The following GNS variants were observed in gnomAD, a reference collection of about 807,000 sequenced individuals.
The protein encoded by GNS is glucosamine (N-acetyl)-6-sulfatase, also known as N-acetylglucosamine-6-sulfatase.
A neutral mutation model predicts 69.7 loss-of-function variants in GNS; 40 were observed. The ratio of observed to expected loss-of-function variants is 0.57; its 90% CI spans 0.45 to 0.75. The LOEUF (loss-of-function observed/expected upper bound fraction) is 0.75, where lower values mean the gene tolerates loss of function less well. Ranked by LOEUF, GNS falls within the 30% of genes least tolerant of loss-of-function variation. The pLI is 0.00. For missense variants in GNS, 565 were observed against 685.5 expected (o/e 0.82, Z 1.96); for synonymous variants, 243 against 251.6 (o/e 0.97, Z 0.32).
intron 12 of GNS, among the ~76,000 whole-genome samples, chr12:64,721,290 T>C (rs547238998): frequency 1.3e-5 from 2 of 152,124 alleles, no homozygotes; most frequent in Non-Finnish European, 2.9e-5. Context: ...TTCTAGAAAA[T>C]GCTCCAACCA....
intron 9 of GNS, among the ~76,000 whole-genome samples, chr12:64,731,992 T>C (rs1052747266): frequency 3.3e-5 from 5 of 151,960 alleles, no homozygotes; most frequent in African/African-American, 1.2e-4. Context: ...ACCAAAAATA[T>C]ATCTATTTTT....
In GNS at chr12:64,739,280, C is replaced by T. The variant is rs909050824; in HGVS notation, c.994+101G>A. 2.4e-5 allele frequency: 19 copies of T among 798,822 alleles called. No homozygotes were observed. The African/African-American group carries it at 3.0e-4, about 13-fold the overall frequency. 49.5% of individuals were successfully genotyped at this position (798,822 alleles called of 1,614,324 possible). A position where few individuals can be genotyped will look rare whatever the true frequency, so the allele number is the denominator to read the frequency against. ...GGCAAGATCCTCCCTCTGGCATGTC[C>T]ACAGTTATAAAAAGACTAGAACTCC... On this transcript the variant is annotated intron_variant, in intron 8 of 13. Coordinates refer to ENST00000258145, the MANE Select transcript of GNS (RefSeq NM_002076.4).
At chr12:64,750,105 G>C (rs1249785341) in intron 2 of GNS, among the ~76,000 whole-genome samples, 2 of 152,040 alleles carry the variant, frequency 1.3e-5, no homozygotes, top group African/African-American at 4.8e-5. Flanking sequence ...GGAGTGCAGT[G>C]GCACAGTCTT....
At chr12:64,755,190 C>A (rs1870210108) in intron 1 of GNS, among the ~76,000 whole-genome samples, 1 of 152,148 alleles carries the variant, frequency 6.6e-6, no homozygotes, top group Non-Finnish European at 1.5e-5. Context: ...TTCATTAAAA[C>A]CCTAAAGAAT....
chr12:64,736,966 G>T, intron 9 of GNS, 38 bp downstream of exon 9: 1 of 983,662 alleles, frequency 1.0e-6, no homozygotes, highest in Non-Finnish European at 1.7e-6. Context: ...TCAGGCAAGT[G>T]CCTACCTGTC....
rs1210247666 is a variant in GNS at position 64,732,153 on chromosome 12, A to ATT, written c.1099-3098_1099-3097dup. ...AGGCACCTGCCACCACACCTGGCTA[A>ATT]TTTTTTTTTTTTGTTGTTTTTTTTT... On this transcript the variant is annotated intron_variant, in intron 9 of 13. Coordinates refer to ENST00000258145, the MANE Select transcript of GNS (RefSeq NM_002076.4). 5.7e-3 allele frequency among the ~76,000 whole-genome samples: 506 copies of ATT among 88,692 alleles called. 127 individuals carry two copies. The highest frequency in any genetic ancestry group is 0.023 in the African/African-American group (467 of 20,734). 58.2% of individuals were successfully genotyped at this position (88,692 alleles called of 152,430 possible). A position where few individuals can be genotyped will look rare whatever the true frequency, so the allele number is the denominator to read the frequency against.
chr12:64,725,734 T>C (rs1213180498), intron 10 of GNS, among the ~76,000 whole-genome samples: 1 of 151,970 alleles, frequency 6.6e-6, no homozygotes, highest in Non-Finnish European at 1.5e-5. Flanking sequence ...CAGTGGCTCA[T>C]GCCTGTAATC....
At chr12:64,755,804 G>A (rs1195703593) in intron 1 of GNS, among the ~76,000 whole-genome samples, 1 of 148,026 alleles carries the variant, frequency 6.8e-6, no homozygotes, top group Non-Finnish European at 1.5e-5. Context: ...TCAGCCTCCC[G>A]AGTAGCTGGG....
intron 5 of GNS, among the ~76,000 whole-genome samples, chr12:64,743,866 G>A (rs1013620577): frequency 2.0e-5 from 3 of 152,212 alleles, no homozygotes; most frequent in Non-Finnish European, 2.9e-5. Flanking sequence ...TTATGAAAAT[G>A]AAAGCATGCT....
chr12:64,733,297 CAAAAAAAAAAA>C (rs961321163), intron 9 of GNS, among the ~76,000 whole-genome samples: 3 of 26,650 alleles, frequency 1.1e-4, no homozygotes, highest in African/African-American at 2.2e-4. Flanking sequence ...GACCCTGTCT[CAAAAAAAAAAA>C]AAAAAAAAAA....
intron 1 of GNS, chr12:64,756,672 T>A (rs889369369): frequency 8.9e-7 from 1 of 1,128,252 alleles, no homozygotes; most frequent in Admixed American, 2.0e-5. Context: ...CATACTCTGC[T>A]CGGCTCCAAG....
At chr12:64,736,643 T>C (rs903180) in intron 9 of GNS, among the ~76,000 whole-genome samples, 105,633 of 152,152 alleles carry the variant, frequency 0.69, 38,141 homozygotes, top group African/African-American at 0.9. Flanking sequence ...GAGTCAATCA[T>C]ACTCTTTCTG....
In GNS at chr12:64,723,082, T is replaced by G. The variant is rs1486098293; in HGVS notation, c.1232A>C (p.Asp411Ala). ...RGASNLTWRS[D>A]VLVEYQGEGR... ...TTCTCCTTGGTATTCCACCAGGACA[T>G]CTGATCGCCAGGTCAAGTTACTGGC... is the stretch of plus-strand genomic sequence containing the variant. Residue 411 changes from aspartate (D) to alanine (A), a missense_variant, in exon 11 of 14, where the codon GAT becomes GCT. Physicochemically the swap from Asp to Ala is moderately radical, Grantham distance 126 (BLOSUM62 -2). Around this residue, in one of 2 missense-constraint regions of GNS, gnomAD observed 384 missense variants for 511.0 expected, o/e 0.75. Coordinates refer to ENST00000258145, the MANE Select transcript of GNS (RefSeq NM_002076.4). 1.9e-6 allele frequency: 3 copies of G among 1,611,996 alleles called. No homozygotes were observed. The highest frequency in any genetic ancestry group is 2.5e-6 in the Non-Finnish European group (3 of 1,178,150).
intron 6 of GNS, among the ~76,000 whole-genome samples, chr12:64,741,388 C>T (rs1415331869): frequency 6.6e-6 from 1 of 151,686 alleles, no homozygotes; most frequent in Admixed American, 6.6e-5. Flanking sequence ...CGGGTTCATG[C>T]GATTTTCATG....
At chr12:64,736,928 T>TTA in intron 9 of GNS, 76 bp downstream of exon 9, 1 of 808,198 alleles carries the variant, frequency 1.2e-6, no homozygotes, top group South Asian at 1.3e-5. Flanking sequence ...CTAACCAATC[T>TTA]TATCTCAGGA....
intron 1 of GNS, among the ~76,000 whole-genome samples, chr12:64,755,919 G>C (rs550225513): frequency 1.3e-5 from 2 of 151,862 alleles, no homozygotes; most frequent in Non-Finnish European, 2.9e-5. Flanking sequence ...TGTCCACCTC[G>C]GCCTCCCAAA....
At chr12:64,718,240 G>A (rs142534083) in intron 13 of GNS, among the ~76,000 whole-genome samples, 4 of 151,680 alleles carry the variant, frequency 2.6e-5, no homozygotes, top group Non-Finnish European at 5.9e-5. Context: ...AGGCTAACAG[G>A]CCCAAATGTT....
chr12:64,724,666 C>T (rs1869137785), intron 10 of GNS, among the ~76,000 whole-genome samples: 1 of 151,920 alleles, frequency 6.6e-6, no homozygotes, highest in African/African-American at 2.4e-5. Flanking sequence ...GAGACTAGCC[C>T]GACCAACATG....
Position 64,759,254 on chromosome 12 carries a change from G to A in GNS, c.23C>T (p.Pro8Leu). 2 of 1,537,602 alleles carry A rather than the reference G, an allele frequency of 1.3e-6. No homozygotes were observed. The highest frequency in any genetic ancestry group is 8.8e-7 in the Non-Finnish European group (1 of 1,141,404). Residue 8 changes from proline to leucine, a missense_variant, in exon 1 of 14, where the codon CCA becomes CTA. By Grantham distance (98) the Pro-to-Leu change is moderately conservative. Around this residue, in one of 2 missense-constraint regions of GNS, gnomAD observed 181 missense variants for 174.4 expected, o/e 1.04. Coordinates refer to ENST00000258145, the MANE Select transcript of GNS (RefSeq NM_002076.4). ...GGGGCTGCCCCGCCGGAGCCGACCTGGGGCTAGAGGCAGGAGCCGCATAGC... is the reference window on the plus strand; with the variant it reads ...GGGGCTGCCCCGCCGGAGCCGACCTAGGGCTAGAGGCAGGAGCCGCATAGC... MRLLPLA[P>L]GRLRRGSPRH...
Sources: allele counts gnomAD v4.1 joint callset (sites outside exome capture counted in the v4.1 genomes callset), GRCh38; gene constraint gnomAD v4.1.1; regional missense constraint gnomAD v4.1.1; transcripts MANE v1.5; gene names NCBI Gene and HGNC (gene_info 2026-07-23, HGNC 2026-07-21).